The following ZNF568 variants were observed in gnomAD, a reference collection of about 807,000 sequenced individuals.
ZNF568 encodes the protein zinc finger protein 568.
Under a neutral mutation model 18.1 loss-of-function variants are expected in ZNF568, and 11 were observed. The observed-to-expected ratio is 0.61, with a 90% confidence interval of 0.38 to 1.00. ZNF568 has a LOEUF of 1.00. ZNF568 is among the 50% of genes least tolerant of loss of function. ZNF568 has a pLI of 0.01. For synonymous variants in ZNF568, 213 were observed against 246.6 expected (o/e 0.86, Z 1.28); for missense variants, 639 against 768.2 (o/e 0.83, Z 1.99).
Position 36,931,840 on chromosome 19 carries a change from C to T in ZNF568, c.136-4906C>T, listed in dbSNP as rs549012635. 1.2e-4 allele frequency among the ~76,000 whole-genome samples: 18 copies of T among 152,282 alleles called. No homozygotes were observed. In the South Asian group the frequency reaches 3.5e-3, roughly 30 times the overall value. On this transcript the variant is annotated intron_variant, in intron 4 of 6. Transcript: ENST00000333987. ...ACCATCACCATAATCAATGTTAGAA[C>T]ATTTTCATCACCCTGAAAAGAAACC...
chr19:36,948,419 A>G (rs2073999657), intron 6 of ZNF568, among the ~76,000 whole-genome samples: 1 of 152,228 alleles, frequency 6.6e-6, no homozygotes, highest in Non-Finnish European at 1.5e-5. Flanking sequence ...AAGCTGCTGT[A>G]AATATCCATG....
At chr19:36,974,270 T>A in intron 6 of ZNF568, 1 of 652,256 alleles carries the variant, frequency 1.5e-6, no homozygotes, top group South Asian at 2.0e-5. Context: ...GTCACCTGCA[T>A]TTCTTTGTGA....
intron 6 of ZNF568, among the ~76,000 whole-genome samples, chr19:36,945,735 ATATG>A (rs774234946): frequency 4.7e-4 from 13 of 27,756 alleles, no homozygotes; most frequent in East Asian, 2.9e-3. Flanking sequence ...ATGTGTGATT[ATATG>A]TGTGTGTGTG....
Position 36,970,323 on chromosome 19 carries a change from C to G in ZNF568, c.359-4097C>G, listed in dbSNP as rs775056129. On this transcript the variant is annotated intron_variant, in intron 6 of 7. Transcript: ENST00000427117. Reference sequence around the variant, plus strand: ...AATGAAATTAATACTTTTCTTTTGGCCTGTCTTTATTGAATTTCTTTTCTT... The same window carrying G: ...AATGAAATTAATACTTTTCTTTTGGGCTGTCTTTATTGAATTTCTTTTCTT... Among the ~76,000 whole-genome samples, 7 of 123,908 alleles carry G rather than the reference C, an allele frequency of 5.6e-5. 1 individual carries two copies. Among genetic ancestry groups the G allele is most frequent in the Non-Finnish European group, 8.8e-5 (5 of 57,110 alleles). 81.3% of individuals were successfully genotyped at this position (123,908 alleles called of 152,430 possible).
At chr19:36,940,393 A>G (rs1271269320) in intron 6 of ZNF568, among the ~76,000 whole-genome samples, 2 of 152,164 alleles carry the variant, frequency 1.3e-5, no homozygotes, top group Non-Finnish European at 2.9e-5. Flanking sequence ...TTACACGTCT[A>G]CCAGAGTGGT....
At chr19:36,996,978 G>A in exon 5 of ZNF568, 7 of 1,543,868 alleles carry the variant, frequency 4.5e-6, no homozygotes, top group Non-Finnish European at 6.1e-6. Context: ...AGGCGTGTGG[G>A]AAGGCCTTTA....
At chr19:36,946,020 G>A (rs142188250) in intron 6 of ZNF568, among the ~76,000 whole-genome samples, 2,567 of 151,998 alleles carry the variant, frequency 0.017, 69 homozygotes, top group African/African-American at 0.059. Flanking sequence ...GCTTGAACCC[G>A]GGAGGCGGAG....
intron 6 of ZNF568, among the ~76,000 whole-genome samples, chr19:36,958,442 T>C (rs1470698134): frequency 1.3e-5 from 2 of 152,054 alleles, no homozygotes; most frequent in Non-Finnish European, 2.9e-5. Context: ...ATTTATTTAA[T>C]AGATACAGGC....
chr19:36,933,881 A>C (rs939457745), intron 4 of ZNF568, among the ~76,000 whole-genome samples: 145 of 122,578 alleles, frequency 1.2e-3, no homozygotes, highest in African/African-American at 4.3e-3. Context: ...TCTAGGCCTG[A>C]GTTTTTCTTT....
At chr19:36,937,853 C>T (rs10411251) in intron 6 of ZNF568, among the ~76,000 whole-genome samples, 31,567 of 151,928 alleles carry the variant, frequency 0.21, 3,484 homozygotes, top group African/African-American at 0.29. Flanking sequence ...GAGGTCCATC[C>T]TTGGTTGAAA....
chr19:36,921,039 A>T (rs2073445022), intron 2 of ZNF568, among the ~76,000 whole-genome samples: 1 of 152,236 alleles, frequency 6.6e-6, no homozygotes, highest in Admixed American at 6.5e-5. Flanking sequence ...GTAGTAGGCT[A>T]TACCATCCAC....
downstream of ZNF568, among the ~76,000 whole-genome samples, chr19:36,980,680 C>G (rs1163032802): frequency 6.6e-6 from 1 of 152,162 alleles, no homozygotes; most frequent in African/African-American, 2.4e-5. Flanking sequence ...GTATTACCCT[C>G]CCAGTATTGA....
At chr19:36,975,729 G>T (rs7255728) in intron 7 of ZNF568, among the ~76,000 whole-genome samples, 2,813 of 118,380 alleles carry the variant, frequency 0.024, 123 homozygotes, top group African/African-American at 0.09. Flanking sequence ...CTGTCACTCA[G>T]GCTGGAGTGC....
At chr19:36,937,084 C>A in intron 5 of ZNF568, 63 bp from the exon 6 acceptor site, 1 of 1,536,996 alleles carries the variant, frequency 6.5e-7, no homozygotes. Flanking sequence ...TTGGACTTAG[C>A]CTAAGATCTG....
At chr19:36,956,571 A>G (rs547830198), downstream of ZNF568, among the ~76,000 whole-genome samples, 4 of 152,008 alleles carry the variant, frequency 2.6e-5, no homozygotes, top group South Asian at 6.3e-4. Context: ...ATTTTGCAAC[A>G]GTAGTCCTCA....
At chr19:36,968,063 T>A (rs912191595) in intron 6 of ZNF568, among the ~76,000 whole-genome samples, 9 of 152,178 alleles carry the variant, frequency 5.9e-5, no homozygotes, top group Non-Finnish European at 1.2e-4. Context: ...ATATCTAAGA[T>A]GTCCTACAAA....
intron 4 of ZNF568, among the ~76,000 whole-genome samples, chr19:36,933,706 C>T (rs555471763): frequency 9.3e-5 from 14 of 149,908 alleles, no homozygotes; most frequent in African/African-American, 2.4e-4. Flanking sequence ...GGGGGTGGTG[C>T]GTGTGTGTGT....
intron 2 of ZNF568, among the ~76,000 whole-genome samples, chr19:36,985,164 C>T (rs1261497686): frequency 1.3e-5 from 2 of 152,078 alleles, no homozygotes; most frequent in African/African-American, 4.8e-5. Context: ...ACCTTGCAGT[C>T]CAGTAATTTT....
chr19:36,920,842 C>T (rs905894433), intron 2 of ZNF568, among the ~76,000 whole-genome samples: 3 of 152,008 alleles, frequency 2.0e-5, no homozygotes, highest in African/African-American at 7.3e-5. Context: ...ATGGTAAGTG[C>T]CCTTTACCAG....
Sources: gnomAD v4.1 joint callset for allele counts (sites outside exome capture counted in the v4.1 genomes callset) on GRCh38, gnomAD v4.1.1 for gene constraint, MANE v1.5 for transcripts, NCBI Gene and HGNC (gene_info 2026-07-23, HGNC 2026-07-21) for gene names.